RXRA: variants seen among roughly 807,000 people sequenced by gnomAD.
RXRA encodes retinoid X receptor alpha.
In RXRA, 5 loss-of-function variants were observed where a neutral mutation model predicts 44.5. The ratio of observed to expected loss-of-function variants is 0.11; its 90% confidence interval spans 0.06 to 0.24. RXRA has a LOEUF of 0.24. Ranked by LOEUF, RXRA falls within the 10% of genes least tolerant of loss-of-function variation. RXRA has a pLI of 1.00. For missense variants in RXRA, 412 were observed against 646.5 expected (o/e 0.64, Z 3.93); for synonymous variants, 291 against 271.4 (o/e 1.07, Z -0.71).
chr9:134,362,769 C>T (rs568678695), intron 1 of RXRA, among the ~76,000 whole-genome samples: 1 of 152,390 alleles, frequency 6.6e-6, no homozygotes, highest in East Asian at 1.9e-4. Context: ...GTCGGCCCCT[C>T]ATGTGGTCCC....
In RXRA at chr9:134,378,328, G is replaced by A. The variant is rs373634021; in HGVS notation, c.29-23304G>A. Among the ~76,000 whole-genome samples the A allele has an allele frequency of 1.1e-3, 151 of 133,496 alleles. 2 individuals carry two copies. The South Asian group carries it at 0.034, about 30-fold the overall frequency. 87.6% of individuals were successfully genotyped at this position (133,496 alleles called of 152,430 possible). A position where few individuals can be genotyped will look rare whatever the true frequency, so the allele number is the denominator to read the frequency against. Reference sequence around the variant, plus strand: ...GTGCTGGTGTTGCTGCCTTGCTGCCGCCACCTGAAGGCGTGTGTGCCGGCC... The same window carrying A: ...GTGCTGGTGTTGCTGCCTTGCTGCCACCACCTGAAGGCGTGTGTGCCGGCC... On this transcript the variant is annotated intron_variant, in intron 1 of 9. Coordinates refer to ENST00000481739, the MANE Select transcript of RXRA (RefSeq NM_002957.6).
In RXRA at chr9:134,431,893, C is replaced by G; in HGVS notation, c.1044-12C>G. The G allele has an allele frequency of 6.2e-7, 1 of 1,608,042 alleles. No individual in the cohort carries two copies. The highest frequency in any genetic ancestry group is 8.5e-7 in the Non-Finnish European group (1 of 1,175,040). On this transcript the variant is annotated splice_polypyrimidine_tract_variant and intron_variant, in intron 7 of 9. Transcript: ENST00000481739. ...CTAACTGGGATGGGGTGTCTGCCCT[C>G]CTCCTCTGCAGGGTGCTGACGGAGC...
chr9:134,399,502 T>C (rs370266910), intron 1 of RXRA, among the ~76,000 whole-genome samples: 2 of 152,354 alleles, frequency 1.3e-5, no homozygotes, highest in African/African-American at 4.8e-5. Context: ...CTAGCTGTTC[T>C]CTCCCTGGCC....
intron 1 of RXRA, among the ~76,000 whole-genome samples, chr9:134,329,736 A>G (rs55888059): frequency 0.41 from 61,972 of 152,066 alleles, 15,284 homozygotes; most frequent in African/African-American, 0.7. Context: ...TGGGGGGCTC[A>G]CCTCCACCAG....
rs749580298 is a variant in RXRA at position 134,408,998 on chromosome 9, G to A, written c.489G>A (p.Val163=). Residue 163 remains valine (V), a synonymous_variant, in exon 4 of 10, where the codon GTG becomes GTA. Coordinates refer to ENST00000481739, the MANE Select transcript of RXRA (RefSeq NM_002957.6). ...EGCKGFFKRT[V]RKDLTYTCRD... is the part of the protein sequence containing the mutation. ...GCAAGGGCTTCTTCAAGCGGACGGT[G>A]CGCAAGGACCTGACCTACACCTGCC... 3 of 1,610,284 alleles carry A rather than the reference G, an allele frequency of 1.9e-6. No homozygotes were observed. Among genetic ancestry groups the A allele is most frequent in the East Asian group, 2.2e-5 (1 of 44,510 alleles).
At chr9:134,408,578 G>C (rs1318233027) in intron 3 of RXRA, among the ~76,000 whole-genome samples, 1 of 152,244 alleles carries the variant, frequency 6.6e-6, no homozygotes, top group African/African-American at 2.4e-5. Flanking sequence ...CAGCATGGGG[G>C]CAGCCAGTGC....
At chr9:134,434,737 C>T (rs1831587631) in intron 9 of RXRA, among the ~76,000 whole-genome samples, 1 of 152,206 alleles carries the variant, frequency 6.6e-6, no homozygotes, top group African/African-American at 2.4e-5. Flanking sequence ...GCTGGGTGCA[C>T]AGTAGGTGTC....
At chr9:134,372,185 T>G (rs999831362) in intron 1 of RXRA, 2 of 152,150 alleles carry the variant, frequency 1.3e-5, no homozygotes, top group African/African-American at 4.8e-5. Flanking sequence ...CCATCCAGTC[T>G]CAGTGCCGCT....
In RXRA at chr9:134,407,271, A is replaced by G. The variant is rs1314815864; in HGVS notation, c.280-878A>G. Among the ~76,000 whole-genome samples the G allele has an allele frequency of 6.6e-6, 1 of 152,168 alleles. No homozygotes were observed. Among genetic ancestry groups the G allele is most frequent in the East Asian group, 1.9e-4 (1 of 5,184 alleles). On this transcript the variant is annotated intron_variant, in intron 2 of 9. Coordinates refer to ENST00000481739, the MANE Select transcript of RXRA (RefSeq NM_002957.6). This position sits in a 1 kb window ranked among gnomAD's most constrained non-coding sequence, Gnocchi z 4.8. ...ATGGGATTTGGAGGCCTGAGGAAGG[A>G]AGGAGGGGAGCTTCCTGCGCACAAG...
At chr9:134,339,322 C>T (rs1431286283) in intron 1 of RXRA, among the ~76,000 whole-genome samples, 1 of 152,180 alleles carries the variant, frequency 6.6e-6, no homozygotes, top group South Asian at 2.1e-4. Context: ...CGTGTGAGCC[C>T]GTGAGCCTGT....
chr9:134,367,973 C>G (rs959562840), intron 1 of RXRA, among the ~76,000 whole-genome samples: 3 of 152,250 alleles, frequency 2.0e-5, no homozygotes, highest in African/African-American at 4.8e-5. Context: ...GATGCTCGGC[C>G]GATAAGCCGC....
At chr9:134,334,160 A>G (rs1330624989) in intron 1 of RXRA, among the ~76,000 whole-genome samples, 1 of 152,216 alleles carries the variant, frequency 6.6e-6, no homozygotes, top group Non-Finnish European at 1.5e-5. Flanking sequence ...TGCCTGGCGG[A>G]TGGGAGCTCT....
At chr9:134,340,080 C>T (rs1043405138) in intron 1 of RXRA, among the ~76,000 whole-genome samples, 14 of 151,950 alleles carry the variant, frequency 9.2e-5, no homozygotes, top group Non-Finnish European at 1.9e-4. Flanking sequence ...AGTGTGTATC[C>T]GTGTGCACTT....
At chr9:134,427,792 C>CT (rs1831459375) in intron 6 of RXRA, among the ~76,000 whole-genome samples, 1 of 152,226 alleles carries the variant, frequency 6.6e-6, no homozygotes. Flanking sequence ...GTTTCCCCCT[C>CT]TGTAAAACAA....
chr9:134,388,208 T>C (rs1359777905), intron 1 of RXRA, among the ~76,000 whole-genome samples: 1 of 151,976 alleles, frequency 6.6e-6, no homozygotes, highest in Non-Finnish European at 1.5e-5. Context: ...TGCACTTCCG[T>C]CAGGGGTCCT....
chr9:134,416,606 C>T (rs903717031), intron 4 of RXRA, among the ~76,000 whole-genome samples: 2 of 152,068 alleles, frequency 1.3e-5, no homozygotes, highest in African/African-American at 2.4e-5. Context: ...TGCAGGTGCA[C>T]GGTTTCCTGA....
chr9:134,376,383 G>T (rs1199680333), intron 1 of RXRA, among the ~76,000 whole-genome samples: 1 of 152,218 alleles, frequency 6.6e-6, no homozygotes, highest in Admixed American at 6.5e-5. Flanking sequence ...CACTGCTCCC[G>T]TCTATGCTGT....
In RXRA at chr9:134,366,499, G is replaced by A. The variant is rs562458958; in HGVS notation, c.29-35133G>A. On this transcript the variant is annotated intron_variant, in intron 1 of 9. Transcript: ENST00000481739. The surrounding 1 kb of genome is among the most constrained non-coding windows in gnomAD (Gnocchi z 5.9). Reference sequence around the variant, plus strand: ...GGCCTGGCCACGGCGAGCTCCTGGCGGGAGTCCCCCTCCCCAGCAGCCACC... The same window carrying A: ...GGCCTGGCCACGGCGAGCTCCTGGCAGGAGTCCCCCTCCCCAGCAGCCACC... 1.3e-5 allele frequency among the ~76,000 whole-genome samples: 2 copies of A among 152,310 alleles called. No homozygotes were observed. Among genetic ancestry groups the A allele is most frequent in the East Asian group, 1.9e-4 (1 of 5,186 alleles).
At position 134,408,182 on chromosome 9, in the gene RXRA, G is replaced by A. The variant is rs771630609; in HGVS notation, c.313G>A (p.Glu105Lys). Reference sequence around the variant, plus strand: ...ACCTATGAACCCCGTCAGCAGCAGCGAGGACATCAAGCCCCCCCTGGGCCT... The same window carrying A: ...ACCTATGAACCCCGTCAGCAGCAGCAAGGACATCAAGCCCCCCCTGGGCCT... The part of the protein sequence containing the change: ...SSPMNPVSSS[E>K]DIKPPLGLNG... Residue 105 changes from glutamate to lysine, a missense_variant, in exon 3 of 10, where the codon GAG becomes AAG. Physicochemically the swap from Glu to Lys is moderately conservative, Grantham distance 56 (BLOSUM62 1). Coordinates refer to ENST00000481739, the MANE Select transcript of RXRA (RefSeq NM_002957.6). The A allele has an allele frequency of 1.6e-5, 25 of 1,596,214 alleles. No homozygotes were observed. The highest frequency in any genetic ancestry group is 3.5e-5 in the Admixed American group (2 of 57,284).
Sources: allele counts gnomAD v4.1 joint callset (sites outside exome capture counted in the v4.1 genomes callset), GRCh38; gene constraint gnomAD v4.1.1; non-coding constraint Gnocchi (gnomAD v3.1); transcripts MANE v1.5; gene names NCBI Gene and HGNC (gene_info 2026-07-23, HGNC 2026-07-21).